The following SLC14A2 variants were observed in gnomAD, a reference collection of about 807,000 sequenced individuals.
SLC14A2 encodes the protein solute carrier family 14 member 2.
Under a neutral mutation model 104.6 loss-of-function variants are expected in SLC14A2, and 91 were observed. The observed-to-expected ratio is 0.87, with a 90% confidence interval of 0.73 to 1.04. The LOEUF is 1.04. Among genes scored for constraint, SLC14A2 ranks in the 50% least tolerant of loss-of-function variants. The pLI, the probability that SLC14A2 is intolerant of heterozygous loss-of-function variation, is 0.00. For missense variants in SLC14A2, 1,189 were observed against 1,156.0 expected (o/e 1.03, Z -0.41); for synonymous variants, 476 against 466.4 (o/e 1.02, Z -0.27).
At chr18:45,215,873 A>G (rs2084006294) in intron 1 of SLC14A2, among the ~76,000 whole-genome samples, 1 of 151,772 alleles carries the variant, frequency 6.6e-6, no homozygotes, top group African/African-American at 2.4e-5. Context: ...TTTGTAATTT[A>G]TTTTGGCTTT....
intron 2 of SLC14A2, among the ~76,000 whole-genome samples, chr18:45,583,693 A>G (rs1329936620): frequency 6.6e-6 from 1 of 152,218 alleles, no homozygotes; most frequent in Admixed American, 6.5e-5. Context: ...ATAGAATAGC[A>G]ATGACTGAGA....
At chr18:45,172,956 A>G in the SLC14A2 span, among the ~76,000 whole-genome samples, 4 of 151,956 alleles carry the variant, frequency 2.6e-5, no homozygotes, top group East Asian at 7.7e-4. Flanking sequence ...AGGGAAAGTC[A>G]CTCTTCTTTT....
intron 1 of SLC14A2, among the ~76,000 whole-genome samples, chr18:45,414,577 G>A (rs551261376): frequency 6.6e-6 from 1 of 150,452 alleles, no homozygotes; most frequent in Non-Finnish European, 1.5e-5. Context: ...TGAACATTCT[G>A]CACATGTAAT....
chr18:45,285,767 G>C (rs2084808843), intron 1 of SLC14A2, among the ~76,000 whole-genome samples: 1 of 151,400 alleles, frequency 6.6e-6, no homozygotes, highest in Non-Finnish European at 1.5e-5. Context: ...GCCATAGTCA[G>C]AGTTTCATGC....
chr18:45,421,082 C>T (rs2086341448), intron 1 of SLC14A2, among the ~76,000 whole-genome samples: 1 of 151,866 alleles, frequency 6.6e-6, no homozygotes, highest in Admixed American at 6.6e-5. Flanking sequence ...AGTTCTGCAT[C>T]CTTTCCCTCC....
chr18:45,585,581 A>G (rs954812169), intron 2 of SLC14A2, among the ~76,000 whole-genome samples: 1 of 152,238 alleles, frequency 6.6e-6, no homozygotes, highest in Non-Finnish European at 1.5e-5. Flanking sequence ...GAAATTTATC[A>G]TAGGCATACC....
At chr18:45,517,678 G>A (rs2043460843) in intron 2 of SLC14A2, among the ~76,000 whole-genome samples, 1 of 152,166 alleles carries the variant, frequency 6.6e-6, no homozygotes, top group Non-Finnish European at 1.5e-5. Context: ...GCTGGAAGTT[G>A]TAAATCTTGG....
the SLC14A2 span, among the ~76,000 whole-genome samples, chr18:45,187,465 G>A: frequency 1.3e-5 from 2 of 152,166 alleles, no homozygotes; most frequent in South Asian, 2.1e-4. Flanking sequence ...TTAATCTGGG[G>A]GTACTAAAAT....
At chr18:45,539,380 G>A (rs997378303) in intron 2 of SLC14A2, among the ~76,000 whole-genome samples, 1 of 152,222 alleles carries the variant, frequency 6.6e-6, no homozygotes, top group Middle Eastern at 3.2e-3. Context: ...TGCCAGGACA[G>A]AGGATGCTCA....
intron 1 of SLC14A2, among the ~76,000 whole-genome samples, chr18:45,319,924 G>C (rs1215508413): frequency 6.6e-6 from 1 of 152,164 alleles, no homozygotes; most frequent in Non-Finnish European, 1.5e-5. Flanking sequence ...GACATACAAG[G>C]AGAGAAGATA....
rs114396143 is a variant in SLC14A2, at chr18:45,652,917, T to C, written c.1351+8757T>C. 2.0e-3 allele frequency among the ~76,000 whole-genome samples: 310 copies of C among 152,232 alleles called. 2 individuals carry two copies. Among genetic ancestry groups the C allele is most frequent in the African/African-American group, 7.2e-3 (299 of 41,540 alleles). On this transcript the variant is annotated intron_variant, in intron 10 of 19. Transcript: ENST00000255226. ...AATGTGTATGAACTTCCTGAAAGCC[T>C]TCTTAAGCAGTCATTTCCTGTCTTT...
chr18:45,180,307 G>A, the SLC14A2 span, among the ~76,000 whole-genome samples: 13,655 of 152,136 alleles, frequency 0.09, 643 homozygotes, highest in East Asian at 0.12. Flanking sequence ...GACAATATTA[G>A]CACTCATCTC....
the SLC14A2 span, among the ~76,000 whole-genome samples, chr18:45,170,138 G>A: frequency 6.6e-6 from 1 of 152,138 alleles, no homozygotes; most frequent in Non-Finnish European, 1.5e-5. Flanking sequence ...TTTGAGTCGT[G>A]GCTCGGTCAC....
At chr18:45,499,010 A>G (rs1009310382) in intron 2 of SLC14A2, among the ~76,000 whole-genome samples, 2 of 151,970 alleles carry the variant, frequency 1.3e-5, no homozygotes, top group African/African-American at 4.8e-5. Flanking sequence ...GCCCCTTAAA[A>G]CTTTCACCTC....
At chr18:45,582,565 A>C (rs375206961) in intron 2 of SLC14A2, among the ~76,000 whole-genome samples, 1 of 152,244 alleles carries the variant, frequency 6.6e-6, no homozygotes, top group East Asian at 1.9e-4. Flanking sequence ...ATGTAAAATA[A>C]TCAATAAATA....
chr18:45,537,564 A>G (rs1353475340), intron 2 of SLC14A2, among the ~76,000 whole-genome samples: 2 of 152,192 alleles, frequency 1.3e-5, no homozygotes, highest in East Asian at 3.8e-4. Context: ...GTGAGGTCAG[A>G]GAGGAACAGA....
At chr18:45,627,455 CAATG>C (rs765266975) in intron 4 of SLC14A2, among the ~76,000 whole-genome samples, 5 of 152,128 alleles carry the variant, frequency 3.3e-5, no homozygotes, top group African/African-American at 4.8e-5. Flanking sequence ...GATTAATAGG[CAATG>C]AATGTCTCAG....
rs766770004 is a variant in SLC14A2 at position 45,625,730 on chromosome 18, G to T, written c.198G>T (p.Lys66Asn). 3 of 1,563,800 alleles carry T rather than the reference G, an allele frequency of 1.9e-6. No individual in the cohort carries two copies. The highest frequency in any genetic ancestry group is 2.6e-6 in the Non-Finnish European group (3 of 1,160,338). The change falls in exon 3 of 20, where the codon AAG becomes AAT. Residue 66 changes from lysine (K) to asparagine (N), a missense_variant. Lys to Asn is a moderately conservative substitution (Grantham distance 94). Transcript: ENST00000255226. ...NEDSHIVKIE[K>N]LNERSKRKDD... The stretch of plus-strand genomic sequence containing the variant: ...ACAGTCACATTGTGAAGATCGAAAA[G>T]CTCAATGAAAGGAGTAAAAGGAAAG...
intron 2 of SLC14A2, among the ~76,000 whole-genome samples, chr18:45,532,028 T>C (rs1009489920): frequency 6.6e-6 from 1 of 152,234 alleles, no homozygotes; most frequent in African/African-American, 2.4e-5. Flanking sequence ...CGGCATTATT[T>C]CTGAGGTCTC....
Sources: gnomAD v4.1 joint callset for allele counts (sites outside exome capture counted in the v4.1 genomes callset) on GRCh38, gnomAD v4.1.1 for gene constraint, MANE v1.5 for transcripts, NCBI Gene and HGNC (gene_info 2026-07-23, HGNC 2026-07-21) for gene names.